The following NOTCH2 variants were observed in gnomAD, a reference collection of about 807,000 sequenced individuals.
NOTCH2 encodes neurogenic locus notch homolog protein 2.
Under a neutral mutation model 235.8 loss-of-function variants are expected in NOTCH2, and 29 were observed. That is an observed-to-expected ratio of 0.12 (90% CI 0.09 to 0.17). NOTCH2 has a LOEUF of 0.17. Among genes scored for constraint, NOTCH2 ranks in the 10% least tolerant of loss-of-function variants. The pLI, the probability that NOTCH2 is intolerant of heterozygous loss-of-function variation, is 1.00. For synonymous variants in NOTCH2, 1,086 were observed against 1,141.5 expected (o/e 0.95, Z 0.98); for missense variants, 2,285 against 3,150.2 (o/e 0.73, Z 6.57).
At chr1:119,976,757 C>G (rs1388829635) in intron 5 of NOTCH2, among the ~76,000 whole-genome samples, 2 of 152,118 alleles carry the variant, frequency 1.3e-5, no homozygotes, top group African/African-American at 4.8e-5. Context: ...TGAAATATCA[C>G]TAGCTCCAGC....
intron 17 of NOTCH2, among the ~76,000 whole-genome samples, chr1:119,947,562 T>C (rs1434600036): frequency 2.6e-5 from 4 of 152,204 alleles, no homozygotes; most frequent in Non-Finnish European, 5.9e-5. Context: ...CTGGTGAGAA[T>C]GAAAATAGTA....
At position 119,944,534 on chromosome 1, in the gene NOTCH2, A is replaced by T. The variant is rs1216434311; in HGVS notation, c.2753-2780T>A. On this transcript the variant is annotated intron_variant, in intron 17 of 33. Transcript: ENST00000256646. ...TGGGCGACAGAGCGAGACTCAGTCT[A>T]AAAAAAAAAAAAAAAAAAAAAGACC... is the stretch of plus-strand genomic sequence containing the variant. Among the ~76,000 whole-genome samples the T allele has an allele frequency of 3.0e-5, 4 of 131,714 alleles. No individual in the cohort carries two copies. In the East Asian group the frequency reaches 6.9e-4, roughly 23 times the overall value. 86.4% of individuals were successfully genotyped at this position (131,714 alleles called of 152,430 possible).
At chr1:119,937,518 G>T in intron 20 of NOTCH2, 52 bp from the exon 21 acceptor site, 1 of 1,543,932 alleles carries the variant, frequency 6.5e-7, no homozygotes, top group Non-Finnish European at 8.9e-7. Flanking sequence ...TGACACATGG[G>T]GTTCAAATCA....
intron 21 of NOTCH2, 21 bp from the exon 22 acceptor site, chr1:119,935,625 G>A (rs1223588814): frequency 1.9e-6 from 3 of 1,613,400 alleles, no homozygotes; most frequent in African/African-American, 1.3e-5. Context: ...GAAACAAAAA[G>A]GACAAGAAAT....
intron 19 of NOTCH2, among the ~76,000 whole-genome samples, chr1:119,939,774 G>A (rs587712773): frequency 9.8e-5 from 15 of 152,302 alleles, no homozygotes; most frequent in Non-Finnish European, 1.5e-4. Flanking sequence ...AAATGCTCTC[G>A]TGATCCATGG....
chr1:119,972,085 G>A (rs1370327199), intron 5 of NOTCH2, among the ~76,000 whole-genome samples: 1 of 147,908 alleles, frequency 6.8e-6, no homozygotes, highest in Non-Finnish European at 1.5e-5. Flanking sequence ...GGGAATGCGT[G>A]AGAGAGTAAA....
Position 119,967,465 on chromosome 1 carries a change from T to C in NOTCH2, c.1421A>G (p.Lys474Arg), listed in dbSNP as rs1553199814. The change falls in exon 8 of 34, where the codon AAG becomes AGG. Residue 474 changes from lysine (K) to arginine (R), a missense_variant. Around this residue, in one of 6 missense-constraint regions of NOTCH2, gnomAD observed 431 missense variants for 757.8 expected, o/e 0.57. Transcript: ENST00000256646. ...GCACAGACATGTGAAGCCTCCAATC[T>C]TATCCAGACAGGTAGCATCATTCTG... Reference protein sequence around the residue: ...PCQNDATCLDKIGGFTCLCMP... With the variant: ...PCQNDATCLDRIGGFTCLCMP... 6.2e-7 allele frequency: 1 copy of C among 1,614,124 alleles called. No individual in the cohort carries two copies. Among genetic ancestry groups the C allele is most frequent in the East Asian group, 2.2e-5 (1 of 44,882 alleles).
Position 119,914,626 on chromosome 1 carries a change from T to C in NOTCH2, c.*680A>G. 1 of 239,418 alleles carries C rather than the reference T, an allele frequency of 4.2e-6. No individual in the cohort carries two copies. The highest frequency in any genetic ancestry group is 1.3e-3 in the Middle Eastern group (1 of 786). The allele number at this position is 239,418 out of a possible 1,614,324, so 14.8% of individuals were successfully genotyped here. ...ATATGCAGGAGAACACAATACAGTA[T>C]GTCCATTTTCCAAAGAAACAACATA... is the stretch of plus-strand genomic sequence containing the variant. On this transcript the variant is annotated 3_prime_UTR_variant, in exon 34 of 34. Transcript: ENST00000256646.
At chr1:119,955,953 G>A (rs1650681147) in intron 12 of NOTCH2, among the ~76,000 whole-genome samples, 1 of 152,198 alleles carries the variant, frequency 6.6e-6, no homozygotes, top group Non-Finnish European at 1.5e-5. Flanking sequence ...ACCATAGATT[G>A]TGATGAATAG....
intron 29 of NOTCH2, 144 bp from the exon 30 acceptor site, chr1:119,920,541 C>T (rs1412686440): frequency 1.6e-5 from 15 of 930,268 alleles, no homozygotes; most frequent in Non-Finnish European, 2.4e-5. Flanking sequence ...AGGATTACCT[C>T]AGCCTTGGCT....
At chr1:120,041,041 CAAAAAA>C (rs71586698) in intron 1 of NOTCH2, among the ~76,000 whole-genome samples, 2 of 15,664 alleles carry the variant, frequency 1.3e-4, no homozygotes, top group African/African-American at 5.7e-4. Context: ...ACTCTGCCTG[CAAAAAA>C]AAAAAAAAAA....
chr1:120,065,912 C>A (rs587754519), intron 1 of NOTCH2, among the ~76,000 whole-genome samples: 1 of 151,854 alleles, frequency 6.6e-6, no homozygotes, highest in South Asian at 2.1e-4. Flanking sequence ...TGTAAAATTT[C>A]TTATATCCTT....
In NOTCH2 at chr1:119,949,056, C is replaced by T; in HGVS notation, c.2550G>A (p.Glu850=). 1 of 1,614,190 alleles carries T rather than the reference C, an allele frequency of 6.2e-7. No homozygotes were observed. Among genetic ancestry groups the T allele is most frequent in the Non-Finnish European group, 8.5e-7 (1 of 1,180,028 alleles). ...AAGTATAACTCTCAAAATTTGGTGA[C>T]TCTTTGCAAACAGCAGCATTCTCAC... is the stretch of plus-strand genomic sequence containing the variant. ...NPCENAAVCK[E]SPNFESYTCL... The change falls in exon 16 of 34, where the codon GAG becomes GAA. Residue 850 remains glutamate, a synonymous_variant. Transcript: ENST00000256646.
chr1:119,958,181 A>C, intron 12 of NOTCH2, among the ~76,000 whole-genome samples: 1 of 152,150 alleles, frequency 6.6e-6, no homozygotes, highest in African/African-American at 2.4e-5. Context: ...CTGCCACTTG[A>C]TCTTGGAGTA....
At chr1:119,987,146 C>G in intron 4 of NOTCH2, 64 bp from the exon 5 acceptor site, 2 of 1,588,478 alleles carry the variant, frequency 1.3e-6, no homozygotes, top group South Asian at 2.2e-5. Flanking sequence ...CTGCTCTGTT[C>G]CCACAGAACA....
At chr1:119,922,170 A>T (rs1253390392) in intron 28 of NOTCH2, 66 bp downstream of exon 28, 16 of 1,505,720 alleles carry the variant, frequency 1.1e-5, no homozygotes, top group Non-Finnish European at 1.5e-5. Context: ...ATGATTCAAC[A>T]AGATATGCTT....
chr1:120,026,966 T>C (rs1254938985), intron 2 of NOTCH2, among the ~76,000 whole-genome samples: 1 of 142,824 alleles, frequency 7.0e-6, no homozygotes, highest in African/African-American at 2.5e-5. Flanking sequence ...TTTTTTTTTT[T>C]TTGGAGACAC....
intron 17 of NOTCH2, among the ~76,000 whole-genome samples, chr1:119,945,377 C>T (rs587655002): frequency 2.7e-4 from 41 of 151,802 alleles, no homozygotes; most frequent in South Asian, 6.2e-4. Flanking sequence ...TTGAAGCCAG[C>T]CATATAAAAA....
intron 9 of NOTCH2, among the ~76,000 whole-genome samples, chr1:119,965,774 C>G (rs1651112801): frequency 6.6e-6 from 1 of 152,192 alleles, no homozygotes; most frequent in Admixed American, 6.5e-5. Flanking sequence ...TGCTTCTTCA[C>G]AGACAGACTT....
Sources: allele counts gnomAD v4.1 joint callset (sites outside exome capture counted in the v4.1 genomes callset), GRCh38; gene constraint gnomAD v4.1.1; regional missense constraint gnomAD v4.1.1; transcripts MANE v1.5; gene names NCBI Gene and HGNC (gene_info 2026-07-23, HGNC 2026-07-21).